The following SEPTIN2 variants were observed in gnomAD, a reference collection of about 807,000 sequenced individuals.
The protein encoded by SEPTIN2 is septin-2.
In SEPTIN2, 34 loss-of-function variants were observed where a neutral mutation model predicts 46.5. That is an observed-to-expected ratio of 0.73 (90% CI 0.56 to 0.97). The LOEUF (loss-of-function observed/expected upper bound fraction) is 0.97, where lower values mean the gene tolerates loss of function less well. SEPTIN2 is among the 50% of genes least tolerant of loss of function. The pLI, the probability that SEPTIN2 is intolerant of heterozygous loss-of-function variation, is 0.00. For synonymous variants in SEPTIN2, 175 were observed against 153.4 expected (o/e 1.14, Z -1.04); for missense variants, 347 against 448.4 (o/e 0.77, Z 2.04).
At chr2:241,349,352 G>T (rs1173485491) in intron 11 of SEPTIN2, among the ~76,000 whole-genome samples, 5 of 148,104 alleles carry the variant, frequency 3.4e-5, no homozygotes, top group African/African-American at 1.2e-4. Context: ...CTAGGTGAAA[G>T]AGCAAGATCC....
At position 241,350,153 on chromosome 2, in the gene SEPTIN2, G is replaced by T. The variant is rs765118505; in HGVS notation, c.1065G>T (p.Gly355=). Residue 355 remains glycine (G), a synonymous_variant, in exon 12 of 13, where the codon GGG becomes GGT. Coordinates refer to ENST00000391971, the MANE Select transcript of SEPTIN2 (RefSeq NM_004404.5). ...MQMQGGDGDG[G]ALGHHV is the part of the protein sequence containing the mutation. ...TGCAGGGCGGGGATGGCGATGGCGGGGCTCTCGGGCACCACGTGTAAGGTG... is the reference window on the plus strand; with the variant it reads ...TGCAGGGCGGGGATGGCGATGGCGGTGCTCTCGGGCACCACGTGTAAGGTG... 1.2e-6 allele frequency: 2 copies of T among 1,613,678 alleles called. No individual in the cohort carries two copies. Among genetic ancestry groups the T allele is most frequent in the South Asian group, 2.2e-5 (2 of 91,008 alleles).
Position 241,337,202 on chromosome 2 carries a change from G to C in SEPTIN2, c.342-180G>C, listed in dbSNP as rs927879256. 5 of 585,432 alleles carry C rather than the reference G, an allele frequency of 8.5e-6. No homozygotes were observed. In the Admixed American group the frequency reaches 1.4e-4, roughly 16 times the overall value. The allele number at this position is 585,432 out of a possible 1,614,324, so 36.3% of individuals were successfully genotyped here. A position where few individuals can be genotyped will look rare whatever the true frequency, so the allele number is the denominator to read the frequency against. On this transcript the variant is annotated intron_variant, in intron 5 of 12. Transcript: ENST00000391971. ...ACTCTCAGCACTTAGGGGCAGTTAT[G>C]CTTGGCATAGTTTCCAAAAACTTCC... is the stretch of plus-strand genomic sequence containing the variant.
chr2:241,325,676 T>C (rs1217485521), intron 2 of SEPTIN2, among the ~76,000 whole-genome samples: 1 of 152,232 alleles, frequency 6.6e-6, no homozygotes, highest in Non-Finnish European at 1.5e-5. Context: ...AAGTCGAAAT[T>C]TGAAATTGCA....
At chr2:241,351,399 G>A (rs924153431) in intron 12 of SEPTIN2, 1 of 152,258 alleles carries the variant, frequency 6.6e-6, no homozygotes, top group East Asian at 1.9e-4. Flanking sequence ...CCCCAACTGA[G>A]TCCAAGTTGG....
chr2:241,332,660 A>G (rs1189483498), intron 3 of SEPTIN2, among the ~76,000 whole-genome samples: 1 of 152,248 alleles, frequency 6.6e-6, no homozygotes, highest in Non-Finnish European at 1.5e-5. Context: ...ACATGTCCAT[A>G]AAGATTTGTA....
intron 4 of SEPTIN2, chr2:241,335,476 AT>A (rs1354186855): frequency 1.2e-6 from 1 of 842,844 alleles, no homozygotes; most frequent in Non-Finnish European, 1.9e-6. Flanking sequence ...TATATTAAAT[AT>A]TTGATGGAAG....
intron 4 of SEPTIN2, chr2:241,335,422 C>G: frequency 7.3e-7 from 1 of 1,361,786 alleles, no homozygotes; most frequent in Non-Finnish European, 1.0e-6. Context: ...ATGGATCCAT[C>G]CTCTCTTGAG....
At chr2:241,338,903 TA>T (rs2080776215) in intron 7 of SEPTIN2, among the ~76,000 whole-genome samples, 3 of 75,908 alleles carry the variant, frequency 4.0e-5, no homozygotes, top group Non-Finnish European at 4.9e-5. Flanking sequence ...TTATATATAT[TA>T]TATATAATAT....
At chr2:241,347,058 C>T (rs1310590237) in intron 10 of SEPTIN2, among the ~76,000 whole-genome samples, 2 of 152,036 alleles carry the variant, frequency 1.3e-5, no homozygotes, top group African/African-American at 2.4e-5. Context: ...AGTTTGAGAC[C>T]GGCCCTGGCA....
chr2:241,332,458 A>C (rs2079156534), intron 3 of SEPTIN2, among the ~76,000 whole-genome samples: 1 of 152,226 alleles, frequency 6.6e-6, no homozygotes, highest in Admixed American at 6.5e-5. Flanking sequence ...ATACGCATTG[A>C]AACCATGAGA....
chr2:241,317,442 G>T (rs1422012025), intron 1 of SEPTIN2: 1 of 673,914 alleles, frequency 1.5e-6, no homozygotes, highest in Non-Finnish European at 1.8e-6. Flanking sequence ...AGGGGCCAGG[G>T]TTTCCCTCTA....
At chr2:241,329,171 G>T (rs1239385924) in intron 3 of SEPTIN2, among the ~76,000 whole-genome samples, 1 of 151,906 alleles carries the variant, frequency 6.6e-6, no homozygotes, top group Non-Finnish European at 1.5e-5. Flanking sequence ...TGTTGCCCAG[G>T]CTGGAGTGCA....
chr2:241,337,133 G>C, intron 5 of SEPTIN2: 1 of 414,620 alleles, frequency 2.4e-6, no homozygotes, highest in Non-Finnish European at 4.3e-6. Context: ...GTCTACACTG[G>C]CCCTCTCTCA....
intron 11 of SEPTIN2, among the ~76,000 whole-genome samples, chr2:241,348,669 C>G (rs1172413844): frequency 2.6e-5 from 4 of 151,882 alleles, no homozygotes; most frequent in Non-Finnish European, 2.9e-5. Context: ...ATATACACAT[C>G]TATATATAAT....
chr2:241,346,068 T>C, intron 9 of SEPTIN2, 98 bp from the exon 10 acceptor site: 1 of 769,592 alleles, frequency 1.3e-6, no homozygotes, highest in Non-Finnish European at 2.2e-6. Flanking sequence ...GTAATTTTAA[T>C]TACTGCTATT....
At chr2:241,325,145 C>T (rs2077737785) in intron 2 of SEPTIN2, 1 of 151,914 alleles carries the variant, frequency 6.6e-6, no homozygotes, top group African/African-American at 2.4e-5. Flanking sequence ...TTCTTTTTCA[C>T]CTGTGTGTGC....
chr2:241,316,407 C>A, intron 1 of SEPTIN2: 1 of 1,025,536 alleles, frequency 9.8e-7, no homozygotes, highest in South Asian at 1.8e-5. Flanking sequence ...CTAACGGTGC[C>A]ATTTCCTCCC....
intron 4 of SEPTIN2, 38 bp downstream of exon 4, chr2:241,335,250 C>T: frequency 6.2e-7 from 1 of 1,602,716 alleles, no homozygotes; most frequent in Non-Finnish European, 8.5e-7. Flanking sequence ...TGTAATTCTA[C>T]ATGAAAGATG....
intron 5 of SEPTIN2, 121 bp downstream of exon 5, chr2:241,336,219 C>A: frequency 3.0e-6 from 3 of 1,004,666 alleles, no homozygotes; most frequent in East Asian, 2.6e-5. Flanking sequence ...AACACCTAGA[C>A]AATTTAAAGC....
Sources: allele counts gnomAD v4.1 joint callset (sites outside exome capture counted in the v4.1 genomes callset), GRCh38; gene constraint gnomAD v4.1.1; transcripts MANE v1.5; gene names NCBI Gene and HGNC (gene_info 2026-07-23, HGNC 2026-07-21).